Variants in SF3B1 observed in about 807,000 individuals in gnomAD.
SF3B1 encodes splicing factor 3b subunit 1.
In SF3B1, 12 loss-of-function variants were observed where a neutral mutation model predicts 153.8. The observed-to-expected ratio is 0.08, with a 90% CI of 0.05 to 0.13. SF3B1 has a LOEUF of 0.13. SF3B1 is among the 10% of genes least tolerant of loss of function. The pLI is 1.00. For missense variants in SF3B1, 513 were observed against 1,606.1 expected (o/e 0.32, Z 11.63); for synonymous variants, 498 against 525.2 (o/e 0.95, Z 0.71).
At chr2:197,397,877 T>C in intron 22 of SF3B1, 108 bp downstream of exon 22, 1 of 710,988 alleles carries the variant, frequency 1.4e-6, no homozygotes, top group Non-Finnish European at 2.3e-6. Flanking sequence ...CTCAACTGCA[T>C]TATTCAGACC....
intron 6 of SF3B1, among the ~76,000 whole-genome samples, chr2:197,415,314 G>A (rs545150879): frequency 4.6e-5 from 7 of 151,858 alleles, no homozygotes; most frequent in South Asian, 4.2e-4. Context: ...ACACATTGGC[G>A]TAATCTCAGC....
chr2:197,430,801 T>C (rs544669948), intron 1 of SF3B1, among the ~76,000 whole-genome samples: 2 of 152,110 alleles, frequency 1.3e-5, no homozygotes, highest in South Asian at 4.2e-4. Flanking sequence ...GCCCGGCCTG[T>C]TGTTTTGTTT....
rs541157122 is a variant in SF3B1 at position 197,422,493 on chromosome 2, C to A, written c.195+1315G>T. Among the ~76,000 whole-genome samples, 42 of 151,984 alleles carry A rather than the reference C, an allele frequency of 2.8e-4. No individual in the cohort carries two copies. In the South Asian group the frequency reaches 7.9e-3, roughly 29 times the overall value. On this transcript the variant is annotated intron_variant, in intron 2 of 24. Coordinates refer to ENST00000335508, the MANE Select transcript of SF3B1 (RefSeq NM_012433.4). ...ATGGGTGCAGCACACCAGTATGGCACATGTATACATACGTAACCTGCACAT... is the reference window on the plus strand; with the variant it reads ...ATGGGTGCAGCACACCAGTATGGCAAATGTATACATACGTAACCTGCACAT...
In SF3B1 at chr2:197,429,530, T is replaced by C. The variant is rs146895260; in HGVS notation, c.28+5442A>G. 5.5e-3 allele frequency among the ~76,000 whole-genome samples: 845 copies of C among 152,300 alleles called. 7 individuals carry two copies. The highest frequency in any genetic ancestry group is 0.019 in the African/African-American group (809 of 41,558). The stretch of plus-strand genomic sequence containing the variant: ...CCGGCACGGTGGCTCACGCCTGTAA[T>C]CCCAGCACTTTGGGAGGCCGATGTG... On this transcript the variant is annotated intron_variant, in intron 1 of 24. Transcript: ENST00000335508.
intron 22 of SF3B1, 69 bp downstream of exon 22, chr2:197,397,916 G>C: frequency 8.4e-7 from 1 of 1,185,368 alleles, no homozygotes; most frequent in Non-Finnish European, 1.2e-6. Context: ...CTACATGGAA[G>C]TATTTTCCAA....
At chr2:197,420,302 C>CTA (rs2085219318) in intron 4 of SF3B1, 126 bp downstream of exon 4, 2 of 665,700 alleles carry the variant, frequency 3.0e-6, no homozygotes, top group East Asian at 5.3e-5. Context: ...CTATACAAAT[C>CTA]TATAGTAAGG....
At chr2:197,413,470 T>C (rs972446547) in intron 6 of SF3B1, among the ~76,000 whole-genome samples, 5 of 152,172 alleles carry the variant, frequency 3.3e-5, no homozygotes, top group Admixed American at 2.6e-4. Flanking sequence ...ACCAAATCCC[T>C]CCTACATATA....
At chr2:197,431,104 CTTTTTTTTTTTTTT>C (rs558644461) in intron 1 of SF3B1, among the ~76,000 whole-genome samples, 4 of 73,710 alleles carry the variant, frequency 5.4e-5, no homozygotes, top group South Asian at 1.2e-3. Flanking sequence ...GCCTTTTCTT[CTTTTTTTTTTTTTT>C]TTTTTTTTTT....
At chr2:197,430,803 G>C (rs911634017) in intron 1 of SF3B1, among the ~76,000 whole-genome samples, 2 of 151,924 alleles carry the variant, frequency 1.3e-5, no homozygotes, top group Non-Finnish European at 2.9e-5. Context: ...CCGGCCTGTT[G>C]TTTTGTTTTT....
intron 1 of SF3B1, 111 bp downstream of exon 1, chr2:197,434,861 G>A (rs550512032): frequency 2.4e-5 from 29 of 1,202,632 alleles, no homozygotes; most frequent in Non-Finnish European, 3.4e-5. Flanking sequence ...GCCCCGAAAC[G>A]CGGGCTCAGC....
intron 1 of SF3B1, among the ~76,000 whole-genome samples, chr2:197,434,409 C>G (rs1174307817): frequency 1.3e-5 from 2 of 152,306 alleles, no homozygotes; most frequent in Non-Finnish European, 2.9e-5. Flanking sequence ...CAATATTATA[C>G]TAAAAGTGAC....
At chr2:197,394,657 G>A (rs958147837) in intron 23 of SF3B1, among the ~76,000 whole-genome samples, 51 of 152,318 alleles carry the variant, frequency 3.3e-4, no homozygotes, top group Admixed American at 3.1e-3. Context: ...TGTAATCCCA[G>A]CACTTTGGGA....
Position 197,391,059 on chromosome 2 carries a change from TAAA to T in SF3B1, c.*1241_*1243del, listed in dbSNP as rs928614499. ...ACCACATGGAGACAAAACAAAACAG[TAAA>T]AATAGTATAGGTAGTAAAAAGGCCA... On this transcript the variant is annotated 3_prime_UTR_variant, in exon 25 of 25. Coordinates refer to ENST00000335508, the MANE Select transcript of SF3B1 (RefSeq NM_012433.4). 6.6e-6 allele frequency: 1 copy of T among 152,096 alleles called. No homozygotes were observed. The highest frequency in any genetic ancestry group is 1.5e-5 in the Non-Finnish European group (1 of 68,004). 9.4% of individuals were successfully genotyped at this position (152,096 alleles called of 1,614,324 possible).
Position 197,393,197 on chromosome 2 carries a change from G to A in SF3B1, c.3540-9C>T, listed in dbSNP as rs1288694452. 20 of 1,602,880 alleles carry A rather than the reference G, an allele frequency of 1.2e-5. No individual in the cohort carries two copies. Among genetic ancestry groups the A allele is most frequent in the Non-Finnish European group, 1.6e-5 (19 of 1,170,448 alleles). On this transcript the variant is annotated splice_polypyrimidine_tract_variant and intron_variant, in intron 23 of 24. Coordinates refer to ENST00000335508, the MANE Select transcript of SF3B1 (RefSeq NM_012433.4). Reference sequence around the variant, plus strand: ...GTCTGTGTACAAGGTCTCTACAACGGAAGGGAAAAAAGTCCTTTAAGATGC... The same window carrying A: ...GTCTGTGTACAAGGTCTCTACAACGAAAGGGAAAAAAGTCCTTTAAGATGC...
intron 2 of SF3B1, among the ~76,000 whole-genome samples, chr2:197,422,000 A>G (rs555419400): frequency 1.3e-5 from 2 of 152,306 alleles, no homozygotes; most frequent in South Asian, 4.1e-4. Context: ...AACCACATAC[A>G]TAGTGAGATC....
At chr2:197,430,279 C>G (rs1333222644) in intron 1 of SF3B1, among the ~76,000 whole-genome samples, 5 of 152,104 alleles carry the variant, frequency 3.3e-5, no homozygotes, top group African/African-American at 7.2e-5. Context: ...AGTCCCTACA[C>G]AGAAATACAT....
chr2:197,423,073 G>A (rs989768697), intron 2 of SF3B1, among the ~76,000 whole-genome samples: 1 of 151,932 alleles, frequency 6.6e-6, no homozygotes, highest in African/African-American at 2.4e-5. Flanking sequence ...GACATGAAAA[G>A]CTCATCAATA....
intron 9 of SF3B1, among the ~76,000 whole-genome samples, chr2:197,407,292 C>CA (rs1416935466): frequency 6.6e-6 from 1 of 151,916 alleles, no homozygotes; most frequent in Non-Finnish European, 1.5e-5. Flanking sequence ...TTTTATAGTT[C>CA]AAAATAAATT....
intron 6 of SF3B1, among the ~76,000 whole-genome samples, chr2:197,414,895 T>C (rs1157849120): frequency 2.0e-5 from 3 of 151,950 alleles, no homozygotes; most frequent in Non-Finnish European, 4.4e-5. Context: ...TCCCATCTAC[T>C]TGGGGGGTTG....
Sources: gnomAD v4.1 joint callset for allele counts (sites outside exome capture counted in the v4.1 genomes callset) on GRCh38, gnomAD v4.1.1 for gene constraint, MANE v1.5 for transcripts, NCBI Gene and HGNC (gene_info 2026-07-23, HGNC 2026-07-21) for gene names.